ABCA1: variants seen among roughly 807,000 people sequenced by gnomAD.
ABCA1 encodes the protein ATP binding cassette subfamily A member 1.
ABCA1 carries 133 observed loss-of-function variants against 262.5 expected under a neutral mutation model. The ratio of observed to expected loss-of-function variants is 0.51; its 90% CI spans 0.44 to 0.59. ABCA1 has a LOEUF of 0.59. ABCA1 is among the 20% of genes least tolerant of loss of function. The pLI is 0.00. For synonymous variants in ABCA1, 1,022 were observed against 1,043.5 expected (o/e 0.98, Z 0.40); for missense variants, 2,452 against 2,777.5 (o/e 0.88, Z 2.63).
At chr9:104,855,566 A>C in intron 7 of ABCA1, 1 of 1,143,732 alleles carries the variant, frequency 8.7e-7, no homozygotes, top group African/African-American at 1.6e-5. Flanking sequence ...CATGTCAATT[A>C]AATTATCAAC....
chr9:104,850,357 A>G (rs1232780280), intron 7 of ABCA1, among the ~76,000 whole-genome samples: 2 of 152,202 alleles, frequency 1.3e-5, no homozygotes, highest in African/African-American at 4.8e-5. Flanking sequence ...CCTGACCTCC[A>G]GTGATCTGGC....
chr9:104,869,088 C>T (rs1837353163), intron 5 of ABCA1, among the ~76,000 whole-genome samples: 1 of 151,940 alleles, frequency 6.6e-6, no homozygotes, highest in Admixed American at 6.6e-5. Context: ...GGAGGAAAGC[C>T]CTTTGCTGAG....
At chr9:104,788,601 G>A (rs767533576) in intron 44 of ABCA1, 34 bp from the exon 45 acceptor site, 2 of 1,612,632 alleles carry the variant, frequency 1.2e-6, no homozygotes, top group Non-Finnish European at 1.7e-6. Context: ...TAGATTTTAA[G>A]CAGGTAGAGA....
At chr9:104,832,796 A>G in intron 11 of ABCA1, 25 bp from the exon 12 acceptor site, 1 of 1,608,864 alleles carries the variant, frequency 6.2e-7, no homozygotes, top group Non-Finnish European at 8.5e-7. Flanking sequence ...AGAAAGTACA[A>G]GTAGTAAACA....
intron 5 of ABCA1, among the ~76,000 whole-genome samples, chr9:104,866,485 CT>C (rs1384378087): frequency 0.014 from 2,023 of 144,548 alleles, 23 homozygotes; most frequent in African/African-American, 0.04. Flanking sequence ...TTTTTTGTGA[CT>C]TTTTTTTTTT....
rs139150659 is a variant in ABCA1 at position 104,864,452 on chromosome 9, T to C, written c.422-2652A>G. ...TCAGTTGAGGACTGGTGTGAAAAGG[T>C]AGACATTAATCACTGTACAACCATG... On this transcript the variant is annotated intron_variant, in intron 5 of 49. Transcript: ENST00000374736. Among the ~76,000 whole-genome samples the C allele has an allele frequency of 8.9e-3, 1,351 of 152,116 alleles. 8 individuals carry two copies. Among genetic ancestry groups the C allele is most frequent in the South Asian group, 0.017 (80 of 4,814 alleles).
At chr9:104,851,310 G>T (rs1835355381) in intron 7 of ABCA1, among the ~76,000 whole-genome samples, 1 of 152,104 alleles carries the variant, frequency 6.6e-6, no homozygotes, top group Non-Finnish European at 1.5e-5. Flanking sequence ...TTACTCTGAG[G>T]ATAAGGCCCT....
chr9:104,814,362 C>T (rs891700639), intron 26 of ABCA1, 65 bp downstream of exon 26: 38 of 1,577,842 alleles, frequency 2.4e-5, no homozygotes, highest in Admixed American at 2.2e-4. Context: ...GAACAATACT[C>T]GTGCACTGAG....
chr9:104,826,880 T>C, intron 16 of ABCA1, 68 bp downstream of exon 16: 1 of 1,439,758 alleles, frequency 6.9e-7, no homozygotes, highest in Non-Finnish European at 9.7e-7. Context: ...AACTTGCTGC[T>C]TTTATTCAGG....
At chr9:104,842,286 A>G (rs1834447427) in intron 8 of ABCA1, among the ~76,000 whole-genome samples, 1 of 152,206 alleles carries the variant, frequency 6.6e-6, no homozygotes, top group Non-Finnish European at 1.5e-5. Flanking sequence ...TGTACGAGGC[A>G]TACAGACAGA....
At chr9:104,927,469 C>CT (rs1826441611) in intron 1 of ABCA1, 2 of 152,344 alleles carry the variant, frequency 1.3e-5, no homozygotes, top group Admixed American at 1.3e-4. Flanking sequence ...AACAGACCAG[C>CT]TTCTTAAGAA....
At chr9:104,909,401 G>A (rs551883411) in intron 1 of ABCA1, among the ~76,000 whole-genome samples, 10 of 152,250 alleles carry the variant, frequency 6.6e-5, no homozygotes, top group African/African-American at 2.2e-4. Context: ...ATAAAGCAGA[G>A]TAAGGGGACA....
chr9:104,843,421 T>G (rs1564168985), intron 8 of ABCA1, among the ~76,000 whole-genome samples: 1 of 152,222 alleles, frequency 6.6e-6, no homozygotes, highest in Non-Finnish European at 1.5e-5. Flanking sequence ...GTTCTGCTAG[T>G]GCGTATTTTC....
At chr9:104,793,134 C>T in intron 41 of ABCA1, 37 bp downstream of exon 41, 1 of 1,613,438 alleles carries the variant, frequency 6.2e-7, no homozygotes, top group Non-Finnish European at 8.5e-7. Flanking sequence ...CTGTGACCCT[C>T]AACCAGGTGC....
At chr9:104,820,499 G>A (rs3780542) in intron 20 of ABCA1, among the ~76,000 whole-genome samples, 13,581 of 152,152 alleles carry the variant, frequency 0.089, 737 homozygotes, top group East Asian at 0.26. Context: ...AGCCCCATGT[G>A]TTCACTTTAG....
At chr9:104,812,341 C>T (rs1831349502) in intron 28 of ABCA1, among the ~76,000 whole-genome samples, 1 of 152,180 alleles carries the variant, frequency 6.6e-6, no homozygotes. Flanking sequence ...CGTAACAACC[C>T]TGTATTGCAG....
chr9:104,795,785 G>C (rs1829845075), intron 39 of ABCA1, among the ~76,000 whole-genome samples: 1 of 152,152 alleles, frequency 6.6e-6, no homozygotes, highest in Non-Finnish European at 1.5e-5. Flanking sequence ...GGAAGGCAGA[G>C]GAGCTACTCT....
At chr9:104,837,912 A>G (rs2515601) in intron 9 of ABCA1, among the ~76,000 whole-genome samples, 21,771 of 152,242 alleles carry the variant, frequency 0.14, 1,815 homozygotes, top group African/African-American at 0.23. Flanking sequence ...TCCCATCCAG[A>G]TTCACACTCT....
intron 5 of ABCA1, among the ~76,000 whole-genome samples, chr9:104,882,830 AG>A (rs1682509251): frequency 6.6e-6 from 1 of 152,172 alleles, no homozygotes; most frequent in Non-Finnish European, 1.5e-5. Flanking sequence ...TTCCCAGAGA[AG>A]ATTAGTACAT....
Sources: allele counts gnomAD v4.1 joint callset (sites outside exome capture counted in the v4.1 genomes callset), GRCh38; gene constraint gnomAD v4.1.1; transcripts MANE v1.5; gene names NCBI Gene and HGNC (gene_info 2026-07-23, HGNC 2026-07-21).